Variants in MEF2C observed in about 807,000 individuals in gnomAD.
MEF2C encodes myocyte-specific enhancer factor 2C.
Under a neutral mutation model 50.5 loss-of-function variants are expected in MEF2C, and 6 were observed. That is an observed-to-expected ratio of 0.12 (90% CI 0.07 to 0.23). The LOEUF (loss-of-function observed/expected upper bound fraction) is 0.23. Among genes scored for constraint, MEF2C ranks in the 10% least tolerant of loss-of-function variants. The pLI is 1.00. For missense variants in MEF2C, 276 were observed against 605.0 expected (o/e 0.46, Z 5.70); for synonymous variants, 183 against 228.0 (o/e 0.80, Z 1.78).
chr5:88,803,621 G>T lies in MEF2C; in HGVS notation c.258+977C>A, dbSNP rs80317949. Among the ~76,000 whole-genome samples, 118 of 152,264 alleles carry T rather than the reference G, an allele frequency of 7.7e-4. 1 individual carries two copies. The East Asian group carries it at 0.02, about 26-fold the overall frequency. On this transcript the variant is annotated intron_variant, in intron 3 of 10. Coordinates refer to ENST00000504921, the MANE Select transcript of MEF2C (RefSeq NM_002397.5). Reference sequence around the variant, plus strand: ...AGTAGACAAATAGATTAAGAAAATAGGCAGATGGGAACCATCCTTATTATA... The same window carrying T: ...AGTAGACAAATAGATTAAGAAAATATGCAGATGGGAACCATCCTTATTATA...
At chr5:88,900,555 A>T (rs1405797273) in intron 1 of MEF2C, among the ~76,000 whole-genome samples, 4 of 151,890 alleles carry the variant, frequency 2.6e-5, no homozygotes, top group Non-Finnish European at 5.9e-5. Flanking sequence ...AAATGGTAAG[A>T]CAAATAAAAA....
At chr5:88,768,649 T>A in intron 3 of MEF2C, 1 of 982,282 alleles carries the variant, frequency 1.0e-6, no homozygotes, top group Non-Finnish European at 1.2e-6. Flanking sequence ...GCAGCATTCA[T>A]GACAAACTGA....
chr5:88,747,578 T>C lies in MEF2C; in HGVS notation c.637+1492A>G, dbSNP rs1484452581. On this transcript the variant is annotated intron_variant, in intron 6 of 10. Coordinates refer to ENST00000504921, the MANE Select transcript of MEF2C (RefSeq NM_002397.5). The stretch of plus-strand genomic sequence containing the variant: ...TTTAGCCGGGATGGTCTCGATCTCC[T>C]GACCTCGTGATCCGCCCGCCTCGGC... Among the ~76,000 whole-genome samples the C allele has an allele frequency of 5.4e-5, 6 of 111,552 alleles. 2 individuals carry two copies. The highest frequency in any genetic ancestry group is 1.4e-4 in the African/African-American group (5 of 34,558). The allele number at this position is 111,552 out of a possible 152,430, so 73.2% of individuals were successfully genotyped here.
At chr5:88,734,776 T>C in intron 6 of MEF2C, 2 of 981,624 alleles carry the variant, frequency 2.0e-6, no homozygotes, top group Non-Finnish European at 2.4e-6. Flanking sequence ...CTTCTATTTT[T>C]CTCTTGGAAT....
At chr5:88,875,799 T>C (rs1418893402) in intron 1 of MEF2C, among the ~76,000 whole-genome samples, 2 of 151,928 alleles carry the variant, frequency 1.3e-5, no homozygotes, top group Admixed American at 6.6e-5. Flanking sequence ...AGGACATTAG[T>C]TAGGGCTGAA....
At chr5:88,854,979 T>C (rs757969223) in intron 1 of MEF2C, among the ~76,000 whole-genome samples, 20 of 152,320 alleles carry the variant, frequency 1.3e-4, no homozygotes, top group Non-Finnish European at 2.5e-4. Flanking sequence ...TGACCCATTC[T>C]AGAATAGCTT....
At chr5:88,798,681 T>C (rs550000369) in intron 3 of MEF2C, among the ~76,000 whole-genome samples, 7 of 152,260 alleles carry the variant, frequency 4.6e-5, no homozygotes, top group Admixed American at 1.3e-4. Context: ...TATGTTCCCT[T>C]GCTGGAGAGG....
At chr5:88,862,249 T>C (rs1474307355) in intron 1 of MEF2C, among the ~76,000 whole-genome samples, 1 of 152,234 alleles carries the variant, frequency 6.6e-6, no homozygotes, top group Non-Finnish European at 1.5e-5. Flanking sequence ...CTATAGAATT[T>C]GTGGAACTAG....
At chr5:88,857,203 T>C (rs1327674614) in intron 1 of MEF2C, among the ~76,000 whole-genome samples, 1 of 152,234 alleles carries the variant, frequency 6.6e-6, no homozygotes, top group Non-Finnish European at 1.5e-5. Context: ...ACTGTCCTAC[T>C]GGATTTTGGG....
chr5:88,761,139 A>G lies in MEF2C; in HGVS notation c.402+46T>C, dbSNP rs763680701. ...CTTGTTCAATGCCTGCCAGGTTCAGAGAAATATCAAGAGTAAAAAAAATGA... is the reference window on the plus strand; with the variant it reads ...CTTGTTCAATGCCTGCCAGGTTCAGGGAAATATCAAGAGTAAAAAAAATGA... On this transcript the variant is annotated intron_variant, in intron 4 of 10. Coordinates refer to ENST00000504921, the MANE Select transcript of MEF2C (RefSeq NM_002397.5). 451 of 1,613,870 alleles carry G rather than the reference A, an allele frequency of 2.8e-4. No homozygotes were observed. The highest frequency in any genetic ancestry group is 3.6e-4 in the Non-Finnish European group (423 of 1,179,900).
At chr5:88,734,705 T>C (rs2152327418) in intron 6 of MEF2C, 2 of 981,080 alleles carry the variant, frequency 2.0e-6, no homozygotes, top group Non-Finnish European at 2.4e-6. Context: ...AAAAAGTAAA[T>C]ATACATTGTA....
chr5:88,783,636 A>G (rs1221715374), intron 3 of MEF2C, among the ~76,000 whole-genome samples: 1 of 152,166 alleles, frequency 6.6e-6, no homozygotes, highest in Non-Finnish European at 1.5e-5. Context: ...ATCTCAAAAA[A>G]AATAAAATAA....
intron 1 of MEF2C, among the ~76,000 whole-genome samples, chr5:88,881,545 G>C (rs79986417): frequency 2.6e-5 from 4 of 152,152 alleles, no homozygotes; most frequent in African/African-American, 7.2e-5. Context: ...TCAAATTAGA[G>C]ATTGTTGATC....
chr5:88,896,742 C>A (rs1007009071), intron 1 of MEF2C, among the ~76,000 whole-genome samples: 8 of 152,140 alleles, frequency 5.3e-5, no homozygotes, highest in African/African-American at 1.9e-4. Context: ...AAACATTCTA[C>A]AACTTTCTTA....
chr5:88,730,339 G>A (rs1397905601), intron 7 of MEF2C, 105 bp from the exon 8 acceptor site: 2 of 1,243,862 alleles, frequency 1.6e-6, no homozygotes, highest in Non-Finnish European at 2.3e-6. Context: ...AGACACAACA[G>A]TTTAAACAGT....
At chr5:88,765,751 T>A (rs925327423) in intron 3 of MEF2C, among the ~76,000 whole-genome samples, 1 of 152,236 alleles carries the variant, frequency 6.6e-6, no homozygotes, top group Non-Finnish European at 1.5e-5. Context: ...CTCAGCTGAC[T>A]GACTACGTTT....
At chr5:88,799,050 C>T (rs1052749707) in intron 3 of MEF2C, among the ~76,000 whole-genome samples, 1 of 152,308 alleles carries the variant, frequency 6.6e-6, no homozygotes, top group East Asian at 1.9e-4. Context: ...AGTTGCCAGC[C>T]GGAGCTCTCT....
chr5:88,796,020 G>A (rs1042359858), intron 3 of MEF2C, among the ~76,000 whole-genome samples: 29 of 152,162 alleles, frequency 1.9e-4, no homozygotes, highest in African/African-American at 7.0e-4. Flanking sequence ...AGCTTTTGAT[G>A]TGCTGCTGGA....
At chr5:88,798,594 T>C (rs1427953697) in intron 3 of MEF2C, among the ~76,000 whole-genome samples, 1 of 152,096 alleles carries the variant, frequency 6.6e-6, no homozygotes, top group Non-Finnish European at 1.5e-5. Flanking sequence ...CATGCTCCTT[T>C]AGCTCGGAGG....
Sources: gnomAD v4.1 joint callset for allele counts (sites outside exome capture counted in the v4.1 genomes callset) on GRCh38, gnomAD v4.1.1 for gene constraint, MANE v1.5 for transcripts, NCBI Gene and HGNC (gene_info 2026-07-23, HGNC 2026-07-21) for gene names.